CDC42BPB: variants seen among roughly 807,000 people sequenced by gnomAD.
CDC42BPB encodes serine/threonine-protein kinase MRCK beta.
CDC42BPB carries 37 observed loss-of-function variants against 214.9 expected under a neutral mutation model. That is an observed-to-expected ratio of 0.17 (90% CI 0.13 to 0.23). The LOEUF (loss-of-function observed/expected upper bound fraction) is 0.23, where lower values mean the gene tolerates loss of function less well. Among genes scored for constraint, CDC42BPB ranks in the 10% least tolerant of loss-of-function variants. The pLI is 1.00. For synonymous variants in CDC42BPB, 931 were observed against 884.0 expected, an observed-to-expected ratio of 1.05 and a Z score of -0.94; for missense variants, 1,694 against 2,227.0, an observed-to-expected ratio of 0.76 and a Z score of 4.82.
At chr14:103,040,056 G>A (rs969232644) in intron 1 of CDC42BPB, among the ~76,000 whole-genome samples, 1 of 152,150 alleles carries the variant, frequency 6.6e-6, no homozygotes, top group Admixed American at 6.6e-5. Context: ...AATTGAACAC[G>A]TAAAAATAGA....
chr14:103,033,763 C>T (rs10138826), intron 1 of CDC42BPB, among the ~76,000 whole-genome samples: 16,516 of 152,134 alleles, frequency 0.11, 2,306 homozygotes, highest in African/African-American at 0.33. Flanking sequence ...CTAGAAGTTT[C>T]TGAAAAATTA....
chr14:102,991,584 T>C (rs1046670535), intron 5 of CDC42BPB, among the ~76,000 whole-genome samples: 3 of 152,198 alleles, frequency 2.0e-5, no homozygotes, highest in Non-Finnish European at 2.9e-5. Flanking sequence ...GTAAGAATTT[T>C]GGGGTAAATG....
intron 1 of CDC42BPB, among the ~76,000 whole-genome samples, chr14:103,053,493 G>T (rs1470152506): frequency 6.6e-6 from 1 of 152,092 alleles, no homozygotes; most frequent in Non-Finnish European, 1.5e-5. Context: ...CAGGCACGGT[G>T]GCTCACACCT....
At chr14:102,996,822 A>C (rs1428312101) in intron 5 of CDC42BPB, among the ~76,000 whole-genome samples, 1 of 151,850 alleles carries the variant, frequency 6.6e-6, no homozygotes, top group East Asian at 1.9e-4. Flanking sequence ...CAAAAAAAAA[A>C]AAAAACAACC....
intron 19 of CDC42BPB, 181 bp from the exon 20 acceptor site, chr14:102,963,336 A>G (rs1893042562): frequency 2.1e-6 from 2 of 958,970 alleles, no homozygotes; most frequent in South Asian, 4.8e-5. Flanking sequence ...TATTTCAAAT[A>G]TAAACATTCA....
chr14:102,992,536 G>A (rs1218913473), intron 5 of CDC42BPB, among the ~76,000 whole-genome samples: 1 of 152,138 alleles, frequency 6.6e-6, no homozygotes, highest in African/African-American at 2.4e-5. Context: ...AGCCTGCGCT[G>A]ACAGCACAGT....
At chr14:103,019,942 C>CT (rs1444652930) in intron 1 of CDC42BPB, among the ~76,000 whole-genome samples, 3 of 152,206 alleles carry the variant, frequency 2.0e-5, no homozygotes, top group Non-Finnish European at 4.4e-5. Flanking sequence ...GAGGGAGGAT[C>CT]TTTGTCTAAA....
In CDC42BPB at chr14:103,031,987, ATTAT is replaced by A. The variant is rs1454183278; in HGVS notation, c.176-19803_176-19800del. 7.9e-4 allele frequency among the ~76,000 whole-genome samples: 116 copies of A among 146,060 alleles called. 1 individual carries two copies. Among genetic ancestry groups the A allele is most frequent in the African/African-American group, 3.1e-3 (114 of 37,348 alleles). The stretch of plus-strand genomic sequence containing the variant: ...AGACCTGCCTTCTATTATTATTATT[ATTAT>A]TTTTTTTTTTTTAAGAAAAATGCCA... On this transcript the variant is annotated intron_variant, in intron 1 of 36. Transcript: ENST00000361246.
intron 5 of CDC42BPB, among the ~76,000 whole-genome samples, chr14:102,994,676 G>A (rs1287290819): frequency 6.6e-6 from 1 of 152,214 alleles, no homozygotes; most frequent in Non-Finnish European, 1.5e-5. Flanking sequence ...TGAGATTCTG[G>A]CTAAAATCAG....
At chr14:102,992,468 C>T (rs769054263) in intron 5 of CDC42BPB, among the ~76,000 whole-genome samples, 6 of 152,142 alleles carry the variant, frequency 3.9e-5, no homozygotes, top group Non-Finnish European at 7.3e-5. Context: ...GGGGTAGAGA[C>T]GGTGCTCCTC....
At chr14:103,033,667 A>C (rs1887515292) in intron 1 of CDC42BPB, among the ~76,000 whole-genome samples, 1 of 152,238 alleles carries the variant, frequency 6.6e-6, no homozygotes, top group Admixed American at 6.5e-5. Context: ...ACTCCAAAAA[A>C]GGAAGAATGA....
chr14:102,972,008 G>C lies in CDC42BPB; in HGVS notation c.1795C>G (p.Arg599Gly). 1 of 1,614,126 alleles carries C rather than the reference G, an allele frequency of 6.2e-7. No homozygotes were observed. ...ACCTCCATCTCCTCCTCCTTGTCTC[G>C]CAGCTGCCGGGACACCTTCTGCTTC... Reference protein sequence around the residue: ...AQKQKVSRQLRDKEEEMEVAT... With the variant: ...AQKQKVSRQLGDKEEEMEVAT... The change falls in exon 13 of 37, where the codon CGA (arginine) becomes GGA (glycine). Residue 599 changes from arginine (R) to glycine (G), a missense_variant. Physicochemically the swap from Arg to Gly is moderately radical, Grantham distance 125. Around this residue, in one of 7 missense-constraint regions of CDC42BPB, gnomAD observed 462 missense variants for 513.5 expected, o/e 0.90. Transcript: ENST00000361246.
At chr14:102,996,232 C>G (rs548619439) in intron 5 of CDC42BPB, among the ~76,000 whole-genome samples, 1 of 151,948 alleles carries the variant, frequency 6.6e-6, no homozygotes. Context: ...CCCAGCTACT[C>G]GGGAGGCTGA....
At chr14:102,959,927 C>T (rs1306273453) in intron 20 of CDC42BPB, 5 of 819,948 alleles carry the variant, frequency 6.1e-6, no homozygotes, top group Non-Finnish European at 7.3e-6. Context: ...AACCAAGGGA[C>T]TGGGTGCGGT....
intron 1 of CDC42BPB, among the ~76,000 whole-genome samples, chr14:103,019,515 C>G (rs1886652022): frequency 6.6e-6 from 1 of 152,210 alleles, no homozygotes; most frequent in Non-Finnish European, 1.5e-5. Flanking sequence ...ATCGCTGCTC[C>G]CCTGGACCTG....
At chr14:103,037,724 G>C (rs1475115328) in intron 1 of CDC42BPB, among the ~76,000 whole-genome samples, 2 of 152,092 alleles carry the variant, frequency 1.3e-5, no homozygotes, top group Non-Finnish European at 2.9e-5. Flanking sequence ...AGAGATATGT[G>C]GAGAGGAGTT....
chr14:102,967,828 G>A (rs1893286291), intron 16 of CDC42BPB, among the ~76,000 whole-genome samples: 1 of 152,202 alleles, frequency 6.6e-6, no homozygotes, highest in South Asian at 2.1e-4. Context: ...CGGCGCAGTG[G>A]CTCATGCCTG....
intron 7 of CDC42BPB, 37 bp downstream of exon 7, chr14:102,983,519 C>T (rs1333329971): frequency 6.3e-7 from 1 of 1,585,196 alleles, no homozygotes; most frequent in Non-Finnish European, 8.5e-7. Context: ...AGGCCTGAGC[C>T]AGGTACCAAA....
chr14:103,051,149 T>TGGGGCGGGGGGGGGGGGAGGGGG (rs935745400), intron 1 of CDC42BPB, among the ~76,000 whole-genome samples: 1 of 4,166 alleles, frequency 2.4e-4, no homozygotes, highest in African/African-American at 7.5e-4. Flanking sequence ...CTAGTGTATT[T>TGGGGCGGGGGGGGGGGGAGGGGG]GGGGCGGGGG....
Sources: allele counts gnomAD v4.1 joint callset (sites outside exome capture counted in the v4.1 genomes callset), GRCh38; gene constraint gnomAD v4.1.1; regional missense constraint gnomAD v4.1.1; transcripts MANE v1.5; gene names NCBI Gene and HGNC (gene_info 2026-07-23, HGNC 2026-07-21).